The following MYT1 variants were observed in gnomAD, a reference collection of about 807,000 sequenced individuals.
MYT1 encodes the protein myelin transcription factor 1.
A neutral mutation model predicts 123.0 loss-of-function variants in MYT1; 23 were observed. The ratio of observed to expected loss-of-function variants is 0.19; its 90% CI spans 0.13 to 0.26. The LOEUF (loss-of-function observed/expected upper bound fraction) is 0.26, where lower values mean the gene tolerates loss of function less well. MYT1 is among the 10% of genes least tolerant of loss of function. The probability of loss-of-function intolerance (pLI) is 1.00; values close to 1 mark genes in which losing one functional copy is unlikely to be tolerated. For missense variants in MYT1, 1,125 were observed against 1,472.5 expected (o/e 0.76, Z 3.86); for synonymous variants, 518 against 575.3 (o/e 0.90, Z 1.43).
Position 64,213,710 on chromosome 20 carries a change from A to G in MYT1, c.1631+63A>G. On this transcript the variant is annotated intron_variant, in intron 10 of 22. Coordinates refer to ENST00000328439, the MANE Select transcript of MYT1 (RefSeq NM_004535.3). This position sits in a 1 kb window ranked among gnomAD's most constrained non-coding sequence, Gnocchi z 5.6. ...CCCAAATGCCTGCAGAGGGCTTCTC[A>G]GTCTCCCGCAGGCTGTATGTGCATG... 7 of 1,339,766 alleles carry G rather than the reference A, an allele frequency of 5.2e-6. No individual in the cohort carries two copies. Among genetic ancestry groups the G allele is most frequent in the Non-Finnish European group, 6.4e-6 (6 of 938,472 alleles). 83.0% of individuals were successfully genotyped at this position (1,339,766 alleles called of 1,614,324 possible).
At chr20:64,228,182 G>A (rs766211230) in intron 18 of MYT1, 6 of 578,802 alleles carry the variant, frequency 1.0e-5, no homozygotes, top group Non-Finnish European at 1.8e-5. Flanking sequence ...TGGATGTCGC[G>A]TGGAGGGCAT....
At position 64,229,087 on chromosome 20, in the gene MYT1, A is replaced by G. The variant is rs1477084639; in HGVS notation, c.2675+1116A>G. Among the ~76,000 whole-genome samples, 3 of 152,234 alleles carry G rather than the reference A, an allele frequency of 2.0e-5. No individual in the cohort carries two copies. In the East Asian group the frequency reaches 5.8e-4, roughly 29 times the overall value. ...AATTGACCAACATCACATCCTTCAGACGGGGATGGGCCCACCAGCTGTTTG... is the reference window on the plus strand; with the variant it reads ...AATTGACCAACATCACATCCTTCAGGCGGGGATGGGCCCACCAGCTGTTTG... On this transcript the variant is annotated intron_variant, in intron 18 of 22. Transcript: ENST00000328439.
chr20:64,204,562 G>A (rs1434884886), intron 4 of MYT1, among the ~76,000 whole-genome samples: 1 of 152,184 alleles, frequency 6.6e-6, no homozygotes, highest in Non-Finnish European at 1.5e-5. Flanking sequence ...GGCTCCGTTT[G>A]CTGGGGCACG....
Position 64,213,459 on chromosome 20 carries a change from C to CCA in MYT1, c.1518-66_1518-65dup. The CCA allele has an allele frequency of 8.5e-7, 1 of 1,172,050 alleles. No individual in the cohort carries two copies. The highest frequency in any genetic ancestry group is 1.3e-6 in the Non-Finnish European group (1 of 792,494). The allele number at this position is 1,172,050 out of a possible 1,614,324, so 72.6% of individuals were successfully genotyped here. ...TCTGAATGACCTTGCCGTGAGACAC[C>CCA]CACACACACAGACACCCAGGACAGG... On this transcript the variant is annotated intron_variant, in intron 9 of 22. Transcript: ENST00000328439. This position sits in a 1 kb window ranked among gnomAD's most constrained non-coding sequence, Gnocchi z 5.6.
At chr20:64,210,039 G>GGGCCAAGGGCCACA (rs1209200433) in intron 7 of MYT1, among the ~76,000 whole-genome samples, 69 of 152,348 alleles carry the variant, frequency 4.5e-4, no homozygotes, top group Non-Finnish European at 9.1e-4. Flanking sequence ...GTGGTTACTA[G>GGGCCAAGGGCCACA]CCTGGCTGTG....
rs1308053431 is a variant in MYT1, at chr20:64,231,143, G to T, written c.2676-1021G>T. Among the ~76,000 whole-genome samples, 2 of 151,918 alleles carry T rather than the reference G, an allele frequency of 1.3e-5. No individual in the cohort carries two copies. On this transcript the variant is annotated intron_variant, in intron 18 of 22. Coordinates refer to ENST00000328439, the MANE Select transcript of MYT1 (RefSeq NM_004535.3). The surrounding 1 kb of genome is among the most constrained non-coding windows in gnomAD (Gnocchi z 6.4). Reference sequence around the variant, plus strand: ...GTAAATGGAGCCATGGTGACCTCTCGGGGTCTTGTGTTGCCAGGTAATCAG... The same window carrying T: ...GTAAATGGAGCCATGGTGACCTCTCTGGGTCTTGTGTTGCCAGGTAATCAG...
At chr20:64,184,984 C>T (rs1174670684) in intron 1 of MYT1, among the ~76,000 whole-genome samples, 2 of 152,208 alleles carry the variant, frequency 1.3e-5, no homozygotes, top group East Asian at 3.8e-4. Flanking sequence ...CTAGTGGGCC[C>T]TCACGTGCCC....
chr20:64,207,541 T>G (rs1983516530), intron 6 of MYT1, 53 bp from the exon 7 acceptor site: 1 of 1,573,582 alleles, frequency 6.4e-7, no homozygotes, highest in East Asian at 2.2e-5. Flanking sequence ...ACTGGAGACC[T>G]GGAGTCTTCC....
chr20:64,224,451 C>T lies in MYT1; in HGVS notation c.2528+1092C>T, dbSNP rs144351663. On this transcript the variant is annotated intron_variant, in intron 16 of 22. Coordinates refer to ENST00000328439, the MANE Select transcript of MYT1 (RefSeq NM_004535.3). The stretch of plus-strand genomic sequence containing the variant: ...CCAGCAGCCTTGTCTCTGTTCCCCT[C>T]TGGAGGCTGGTCTGGCCCCAGCAGC... Among the ~76,000 whole-genome samples, 275 of 152,328 alleles carry T rather than the reference C, an allele frequency of 1.8e-3. 1 individual carries two copies. The highest frequency in any genetic ancestry group is 3.3e-3 in the Non-Finnish European group (227 of 68,022).
chr20:64,231,763 G>A lies in MYT1; in HGVS notation c.2676-401G>A, dbSNP rs749125908. On this transcript the variant is annotated intron_variant, in intron 18 of 22. Transcript: ENST00000328439. This position sits in a 1 kb window ranked among gnomAD's most constrained non-coding sequence, Gnocchi z 6.4. ...GCCTATGCTTGATGCAAGCTCCCAGGGAGTGGCCTCTAGGTGGTCTCAGCT... is the reference window on the plus strand; with the variant it reads ...GCCTATGCTTGATGCAAGCTCCCAGAGAGTGGCCTCTAGGTGGTCTCAGCT... Among the ~76,000 whole-genome samples, 1 of 152,128 alleles carries A rather than the reference G, an allele frequency of 6.6e-6. No homozygotes were observed. Among genetic ancestry groups the A allele is most frequent in the East Asian group, 1.9e-4 (1 of 5,186 alleles).
At chr20:64,217,548 C>T (rs145326505) in intron 11 of MYT1, among the ~76,000 whole-genome samples, 1 of 152,252 alleles carries the variant, frequency 6.6e-6, no homozygotes, top group Non-Finnish European at 1.5e-5. Context: ...TGAAACAAAA[C>T]CCAGATCCGT....
At position 64,241,773 on chromosome 20, in the gene MYT1, T is replaced by G. The variant is rs1306429272; in HGVS notation, c.*1325T>G. On this transcript the variant is annotated 3_prime_UTR_variant, in exon 23 of 23. Transcript: ENST00000328439. This position sits in a 1 kb window ranked among gnomAD's most constrained non-coding sequence, Gnocchi z 4.2. ...ATATAACTCCTAGTTATAATTTTGA[T>G]GCAACCAAGTTATTTTTTATATATT... 1.3e-5 allele frequency: 2 copies of G among 152,670 alleles called. No individual in the cohort carries two copies. Among genetic ancestry groups the G allele is most frequent in the Non-Finnish European group, 2.9e-5 (2 of 68,044 alleles). 9.5% of individuals were successfully genotyped at this position (152,670 alleles called of 1,614,324 possible).
intron 10 of MYT1, among the ~76,000 whole-genome samples, chr20:64,214,354 T>C (rs145880317): frequency 1.3e-5 from 2 of 152,346 alleles, no homozygotes; most frequent in Admixed American, 6.5e-5. Flanking sequence ...TGTGTTCGCA[T>C]ATGTGCGAGT....
intron 21 of MYT1, among the ~76,000 whole-genome samples, chr20:64,238,009 T>C (rs1270767620): frequency 2.6e-5 from 4 of 152,204 alleles, no homozygotes; most frequent in Non-Finnish European, 1.5e-5. Flanking sequence ...CCAGAGTAAG[T>C]GCCGTCGATG....
At chr20:64,194,508 T>C (rs894010774) in intron 2 of MYT1, among the ~76,000 whole-genome samples, 6 of 152,216 alleles carry the variant, frequency 3.9e-5, no homozygotes, top group African/African-American at 1.4e-4. Context: ...CAGGACACCC[T>C]CCTGCTGGGG....
chr20:64,208,351 C>T lies in MYT1; in HGVS notation c.1155C>T (p.Ile385=), dbSNP rs780815194. ...ACCTGGGCCTCCTGGAGCAGGCCAT[C>T]GCCCTGAAGGCTGAACAGGTGCGCA... is the stretch of plus-strand genomic sequence containing the variant. ...RGNLGLLEQA[I]ALKAEQVRTV... The change falls in exon 7 of 23, where the codon ATC becomes ATT. Residue 385 remains isoleucine (I), a synonymous_variant. Coordinates refer to ENST00000328439, the MANE Select transcript of MYT1 (RefSeq NM_004535.3). This position sits in a 1 kb window ranked among gnomAD's most constrained non-coding sequence, Gnocchi z 5.4. 2.0e-5 allele frequency: 33 copies of T among 1,613,908 alleles called. No homozygotes were observed. The highest frequency in any genetic ancestry group is 6.7e-5 in the Admixed American group (4 of 60,010).
rs1984714838 is a variant in MYT1 at position 64,241,450 on chromosome 20, C to T, written c.*1002C>T. On this transcript the variant is annotated 3_prime_UTR_variant, in exon 23 of 23. Coordinates refer to ENST00000328439, the MANE Select transcript of MYT1 (RefSeq NM_004535.3). The surrounding 1 kb of genome is among the most constrained non-coding windows in gnomAD (Gnocchi z 4.2). Reference sequence around the variant, plus strand: ...AATGTCCCTACCGTGTAAATAGAATCCAAGTCAATTGTGACTGCAATTCCA... The same window carrying T: ...AATGTCCCTACCGTGTAAATAGAATTCAAGTCAATTGTGACTGCAATTCCA... 1 of 152,514 alleles carries T rather than the reference C, an allele frequency of 6.6e-6. No individual in the cohort carries two copies. Among genetic ancestry groups the T allele is most frequent in the South Asian group, 2.1e-4 (1 of 4,828 alleles). 9.4% of individuals were successfully genotyped at this position (152,514 alleles called of 1,614,324 possible).
chr20:64,184,491 C>T (rs981871179), intron 1 of MYT1, among the ~76,000 whole-genome samples: 1 of 152,062 alleles, frequency 6.6e-6, no homozygotes, highest in Non-Finnish European at 1.5e-5. Context: ...TCCATATGCC[C>T]GTCCTGATGC....
In MYT1 at chr20:64,203,320, C is replaced by A. The variant is rs1484400726; in HGVS notation, c.87-1715C>A. ...GCTAATTGGGACCTTAGCTTCAAAT[C>A]CCCATTAACAAGGAGCTTTTTTGTG... On this transcript the variant is annotated intron_variant, in intron 4 of 22. Coordinates refer to ENST00000328439, the MANE Select transcript of MYT1 (RefSeq NM_004535.3). The surrounding 1 kb of genome is among the most constrained non-coding windows in gnomAD (Gnocchi z 5.1). 1.3e-5 allele frequency among the ~76,000 whole-genome samples: 2 copies of A among 152,212 alleles called. No individual in the cohort carries two copies. The highest frequency in any genetic ancestry group is 3.9e-4 in the East Asian group (2 of 5,194).
Sources: allele counts gnomAD v4.1 joint callset (sites outside exome capture counted in the v4.1 genomes callset), GRCh38; gene constraint gnomAD v4.1.1; non-coding constraint Gnocchi (gnomAD v3.1); transcripts MANE v1.5; gene names NCBI Gene and HGNC (gene_info 2026-07-23, HGNC 2026-07-21).